COL24A1: variants seen among roughly 807,000 people sequenced by gnomAD.
COL24A1 encodes collagen type XXIV alpha 1 chain, also known as collagen alpha-1(XXIV) chain.
In COL24A1, 224 loss-of-function variants were observed where a neutral mutation model predicts 253.9. The ratio of observed to expected loss-of-function variants is 0.88; its 90% CI spans 0.79 to 0.99. The LOEUF (loss-of-function observed/expected upper bound fraction) is 0.99, where lower values mean the gene tolerates loss of function less well. Ranked by LOEUF, COL24A1 falls within the 50% of genes least tolerant of loss-of-function variation. The probability of loss-of-function intolerance (pLI) is 0.00; values close to 1 mark genes in which losing one functional copy is unlikely to be tolerated. For missense variants in COL24A1, 2,131 were observed against 2,068.5 expected, an observed-to-expected ratio of 1.03 and a Z score of -0.59; for synonymous variants, 685 against 673.7, an observed-to-expected ratio of 1.02 and a Z score of -0.26.
chr1:86,040,455 T>A (rs1297046050), intron 12 of COL24A1, among the ~76,000 whole-genome samples: 1 of 102,762 alleles, frequency 9.7e-6, no homozygotes, highest in Non-Finnish European at 1.9e-5. Context: ...CCCAATGCTA[T>A]CCCTCCCCCC....
intron 59 of COL24A1, among the ~76,000 whole-genome samples, chr1:85,732,391 G>A (rs1318858915): frequency 8.6e-5 from 13 of 151,956 alleles, no homozygotes; most frequent in African/African-American, 1.4e-4. Flanking sequence ...CACCACGCCC[G>A]GCTAATTTTT....
At chr1:85,832,716 G>T (rs1221426586) in intron 43 of COL24A1, among the ~76,000 whole-genome samples, 2 of 151,212 alleles carry the variant, frequency 1.3e-5, no homozygotes, top group Non-Finnish European at 2.9e-5. Context: ...CTCATGATTT[G>T]GCTCTCTGTT....
At chr1:86,000,733 G>A (rs1215145915) in intron 19 of COL24A1, among the ~76,000 whole-genome samples, 1 of 152,164 alleles carries the variant, frequency 6.6e-6, no homozygotes, top group Non-Finnish European at 1.5e-5. Context: ...CCCACTGTTT[G>A]GCCACTTCTG....
chr1:85,831,539 C>A (rs1286244266), intron 43 of COL24A1, among the ~76,000 whole-genome samples: 2 of 151,900 alleles, frequency 1.3e-5, no homozygotes, highest in Non-Finnish European at 2.9e-5. Context: ...GACCATTTTT[C>A]TGTATTGGTA....
rs1384479222 is a variant in COL24A1, at chr1:85,729,757, A to G, written c.*789T>C. The G allele has an allele frequency of 6.6e-6, 1 of 152,606 alleles. No homozygotes were observed. 9.5% of individuals were successfully genotyped at this position (152,606 alleles called of 1,614,324 possible). A position where few individuals can be genotyped will look rare whatever the true frequency, so the allele number is the denominator to read the frequency against. ...TTACAACAATTTAAAAAATAAAACAAAAACAAAGAAATCTAATTCTTTTGC... is the reference window on the plus strand; with the variant it reads ...TTACAACAATTTAAAAAATAAAACAGAAACAAAGAAATCTAATTCTTTTGC... On this transcript the variant is annotated 3_prime_UTR_variant, in exon 60 of 60. Coordinates refer to ENST00000370571, the MANE Select transcript of COL24A1 (RefSeq NM_152890.7).
Position 86,007,644 on chromosome 1 carries a change from T to C in COL24A1, c.2310+9507A>G, listed in dbSNP as rs532314666. Among the ~76,000 whole-genome samples, 167 of 152,272 alleles carry C rather than the reference T, an allele frequency of 1.1e-3. 1 individual carries two copies. The highest frequency in any genetic ancestry group is 3.9e-3 in the African/African-American group (161 of 41,564). On this transcript the variant is annotated intron_variant, in intron 19 of 59. Transcript: ENST00000370571. ...TTCAGTGCTAAAAAGAAATGAGCTA[T>C]GAAGCCATGAAAAAACATGGAGGAA...
chr1:85,801,415 G>C (rs900633605), intron 47 of COL24A1, among the ~76,000 whole-genome samples: 2 of 152,172 alleles, frequency 1.3e-5, no homozygotes, highest in Non-Finnish European at 2.9e-5. Flanking sequence ...GGAGAGAAAG[G>C]TAATATATTT....
intron 5 of COL24A1, among the ~76,000 whole-genome samples, chr1:86,111,384 T>A (rs1705581245): frequency 6.6e-6 from 1 of 151,730 alleles, no homozygotes; most frequent in Non-Finnish European, 1.5e-5. Flanking sequence ...AGTGGGGACT[T>A]GGAGAACTTT....
intron 19 of COL24A1, among the ~76,000 whole-genome samples, chr1:85,990,480 A>C (rs1694148095): frequency 6.6e-6 from 1 of 152,178 alleles, no homozygotes; most frequent in Non-Finnish European, 1.5e-5. Flanking sequence ...TGAGACTCTA[A>C]TGCTGCCGCT....
chr1:86,073,751 A>C (rs1175706144), intron 7 of COL24A1, among the ~76,000 whole-genome samples: 4 of 152,256 alleles, frequency 2.6e-5, no homozygotes, highest in African/African-American at 9.6e-5. Flanking sequence ...AGGGAACCCC[A>C]TCAGACTAAC....
intron 19 of COL24A1, among the ~76,000 whole-genome samples, chr1:86,015,858 T>C (rs747700141): frequency 5.3e-4 from 80 of 151,062 alleles, no homozygotes; most frequent in Non-Finnish European, 1.1e-3. Flanking sequence ...CTAGCTACAA[T>C]GAAGTTTTGA....
chr1:85,737,590 T>C, intron 57 of COL24A1, 85 bp from the exon 58 acceptor site: 3 of 891,196 alleles, frequency 3.4e-6, no homozygotes, highest in Non-Finnish European at 5.0e-6. Flanking sequence ...AGAGAGAGAG[T>C]CTCATTCTGT....
chr1:85,948,128 T>G (rs1247354109), intron 24 of COL24A1, among the ~76,000 whole-genome samples: 1 of 152,314 alleles, frequency 6.6e-6, no homozygotes, highest in African/African-American at 2.4e-5. Context: ...AAGTCTCAAC[T>G]TTTTTCAAGA....
intron 20 of COL24A1, among the ~76,000 whole-genome samples, chr1:85,972,685 T>A (rs956028877): frequency 6.6e-6 from 1 of 150,882 alleles, no homozygotes; most frequent in Non-Finnish European, 1.5e-5. Flanking sequence ...ACTGTAACTG[T>A]GAACATGTGA....
intron 58 of COL24A1, chr1:85,736,542 G>A (rs774758388): frequency 1.1e-5 from 5 of 453,700 alleles, no homozygotes; most frequent in South Asian, 7.8e-5. Flanking sequence ...CTATTTCAGG[G>A]GTAATAATGG....
chr1:85,734,448 T>TATCC (rs1332981255), intron 59 of COL24A1, among the ~76,000 whole-genome samples: 1 of 152,210 alleles, frequency 6.6e-6, no homozygotes, highest in African/African-American at 2.4e-5. Context: ...TCTGTCTATC[T>TATCC]ATCCATCCAT....
chr1:85,868,711 C>A, intron 36 of COL24A1, 71 bp downstream of exon 36: 2 of 1,432,434 alleles, frequency 1.4e-6, no homozygotes, highest in South Asian at 1.3e-5. Context: ...CACACAAAAA[C>A]AATGATGTCT....
chr1:86,042,105 A>G (rs1233276950), intron 12 of COL24A1, among the ~76,000 whole-genome samples: 1 of 152,160 alleles, frequency 6.6e-6, no homozygotes, highest in East Asian at 1.9e-4. Flanking sequence ...AAGCATGAGT[A>G]TACACATACA....
intron 7 of COL24A1, among the ~76,000 whole-genome samples, chr1:86,068,281 A>G (rs1402884345): frequency 6.6e-6 from 1 of 152,220 alleles, no homozygotes; most frequent in African/African-American, 2.4e-5. Flanking sequence ...AGTCTTAAAT[A>G]GTGAATGCCA....
Sources: allele counts gnomAD v4.1 joint callset (sites outside exome capture counted in the v4.1 genomes callset), GRCh38; gene constraint gnomAD v4.1.1; transcripts MANE v1.5; gene names NCBI Gene and HGNC (gene_info 2026-07-23, HGNC 2026-07-21).